The following DLG2 variants were observed in gnomAD, a reference collection of about 807,000 sequenced individuals.
DLG2 encodes disks large homolog 2.
Under a neutral mutation model 132.5 loss-of-function variants are expected in DLG2, and 45 were observed. The ratio of observed to expected loss-of-function variants is 0.34; its 90% confidence interval spans 0.27 to 0.44. The LOEUF (loss-of-function observed/expected upper bound fraction) is 0.44. Ranked by LOEUF, DLG2 falls within the 20% of genes least tolerant of loss-of-function variation. DLG2 has a pLI of 1.00. For synonymous variants in DLG2, 424 were observed against 419.6 expected, an observed-to-expected ratio of 1.01 and a Z score of -0.13; for missense variants, 1,045 against 1,196.9, an observed-to-expected ratio of 0.87 and a Z score of 1.87.
intron 7 of DLG2, among the ~76,000 whole-genome samples, chr11:84,470,282 G>C (rs1372633376): frequency 6.6e-6 from 1 of 151,752 alleles, no homozygotes; most frequent in African/African-American, 2.4e-5. Context: ...AGCCAAGATG[G>C]ATTTCAAAGA....
chr11:83,773,198 A>G (rs975769405), intron 18 of DLG2, among the ~76,000 whole-genome samples: 4 of 152,156 alleles, frequency 2.6e-5, no homozygotes, highest in Non-Finnish European at 4.4e-5. Flanking sequence ...GGCTCATAGT[A>G]TTTACTAGTT....
Position 84,784,366 on chromosome 11 carries a change from A to AATTAATTAATT in DLG2, c.358-249636_358-249635insAATTAATTAAT, listed in dbSNP as rs1555220727. Among the ~76,000 whole-genome samples, 53 of 147,474 alleles carry AATTAATTAATT rather than the reference A, an allele frequency of 3.6e-4. 1 individual carries two copies. Among genetic ancestry groups the AATTAATTAATT allele is most frequent in the South Asian group, 2.3e-3 (11 of 4,686 alleles). On this transcript the variant is annotated intron_variant, in intron 6 of 27. Coordinates refer to ENST00000376104, the MANE Select transcript of DLG2 (RefSeq NM_001142699.3). The stretch of plus-strand genomic sequence containing the variant: ...TAAATAAATAAATAAATAAATAAAT[A>AATTAATTAATT]AATTAAACAAGAGTATAGAACATAA...
intron 3 of DLG2, among the ~76,000 whole-genome samples, chr11:85,468,055 A>G (rs2092855449): frequency 6.6e-6 from 1 of 152,144 alleles, no homozygotes; most frequent in Non-Finnish European, 1.5e-5. Context: ...GTATGTGTTG[A>G]GGAATTTAGC....
At chr11:84,748,750 G>A (rs1186176890) in intron 6 of DLG2, among the ~76,000 whole-genome samples, 1 of 152,134 alleles carries the variant, frequency 6.6e-6, no homozygotes, top group Non-Finnish European at 1.5e-5. Flanking sequence ...TGGCTGCAGG[G>A]TCTTCTGCTA....
At chr11:84,522,214 TATTC>T (rs1565182681) in intron 7 of DLG2, among the ~76,000 whole-genome samples, 1 of 151,942 alleles carries the variant, frequency 6.6e-6, no homozygotes. Flanking sequence ...AGAAAAAATT[TATTC>T]ACATGTAATA....
At chr11:85,307,029 G>A (rs1312189088) in intron 3 of DLG2, among the ~76,000 whole-genome samples, 1 of 152,158 alleles carries the variant, frequency 6.6e-6, no homozygotes, top group South Asian at 2.1e-4. Context: ...CAAGGAGGGG[G>A]GATGAAAAAT....
chr11:85,149,688 A>T (rs969561752), intron 5 of DLG2, among the ~76,000 whole-genome samples: 10 of 152,242 alleles, frequency 6.6e-5, no homozygotes, highest in Non-Finnish European at 1.3e-4. Flanking sequence ...TCATTTCTGT[A>T]GTGTTTGTGT....
At chr11:83,615,247 A>C (rs1413687129) in intron 19 of DLG2, among the ~76,000 whole-genome samples, 3 of 152,226 alleles carry the variant, frequency 2.0e-5, no homozygotes, top group Non-Finnish European at 2.9e-5. Context: ...GAAGGGAAGG[A>C]AACAGGAAAT....
chr11:84,164,617 G>A (rs1306965120), intron 8 of DLG2, among the ~76,000 whole-genome samples: 1 of 152,188 alleles, frequency 6.6e-6, no homozygotes, highest in Non-Finnish European at 1.5e-5. Context: ...ATGAGTGACT[G>A]AACTAAGTAA....
At chr11:84,239,550 T>C (rs1214683532) in intron 8 of DLG2, among the ~76,000 whole-genome samples, 2 of 152,094 alleles carry the variant, frequency 1.3e-5, no homozygotes, top group Non-Finnish European at 2.9e-5. Context: ...TATTAATAAA[T>C]AGAGAGGAAT....
intron 6 of DLG2, among the ~76,000 whole-genome samples, chr11:85,079,183 T>A (rs754441732): frequency 2.6e-5 from 4 of 152,058 alleles, no homozygotes; most frequent in Non-Finnish European, 5.9e-5. Flanking sequence ...AGAGTTTATC[T>A]AAAGATCTGG....
chr11:85,292,018 G>T (rs762410553), intron 3 of DLG2, among the ~76,000 whole-genome samples: 7 of 152,120 alleles, frequency 4.6e-5, no homozygotes, highest in Non-Finnish European at 8.8e-5. Context: ...TATAGCACAG[G>T]TGATCTTACT....
chr11:85,536,188 C>T (rs1179122237), intron 3 of DLG2, among the ~76,000 whole-genome samples: 1 of 145,908 alleles, frequency 6.9e-6, no homozygotes, highest in East Asian at 2.0e-4. Context: ...TGAACTCCAG[C>T]CTGGCAACAG....
chr11:85,462,968 T>G (rs995863451), intron 3 of DLG2, among the ~76,000 whole-genome samples: 1 of 152,120 alleles, frequency 6.6e-6, no homozygotes, highest in African/African-American at 2.4e-5. Context: ...TCTTCACACA[T>G]GCATAAAGAA....
chr11:85,559,861 G>GAT (rs1565685540), intron 3 of DLG2, among the ~76,000 whole-genome samples: 17 of 130,178 alleles, frequency 1.3e-4, no homozygotes, highest in East Asian at 6.9e-4. Context: ...GATAGATAGA[G>GAT]ATAAATATCC....
chr11:84,707,193 A>T (rs2059876083), intron 6 of DLG2, among the ~76,000 whole-genome samples: 1 of 151,838 alleles, frequency 6.6e-6, no homozygotes, highest in East Asian at 1.9e-4. Context: ...GAATACTAGT[A>T]GAATGCTGAT....
intron 7 of DLG2, among the ~76,000 whole-genome samples, chr11:84,435,691 C>T (rs187759612): frequency 6.6e-6 from 1 of 152,268 alleles, no homozygotes; most frequent in Admixed American, 6.5e-5. Flanking sequence ...TTAGCCATCA[C>T]AGAAATGGAT....
intron 7 of DLG2, among the ~76,000 whole-genome samples, chr11:84,302,245 TAGA>T (rs2098164040): frequency 6.6e-6 from 1 of 152,054 alleles, no homozygotes; most frequent in South Asian, 2.1e-4. Flanking sequence ...ATACCTAATG[TAGA>T]TGATGGGTTG....
intron 3 of DLG2, among the ~76,000 whole-genome samples, chr11:85,316,963 T>G (rs906933646): frequency 2.7e-5 from 4 of 149,752 alleles, no homozygotes; most frequent in African/African-American, 9.8e-5. Flanking sequence ...GTAAAAAAGA[T>G]ACAACATAGC....
Sources: gnomAD v4.1 joint callset for allele counts (sites outside exome capture counted in the v4.1 genomes callset) on GRCh38, gnomAD v4.1.1 for gene constraint, MANE v1.5 for transcripts, NCBI Gene and HGNC (gene_info 2026-07-23, HGNC 2026-07-21) for gene names.